Variants in NXPE2 observed in about 807,000 individuals in gnomAD.
The protein encoded by NXPE2 is neurexophilin and PC-esterase domain family member 2, also known as NXPE family member 2.
NXPE2 carries 34 observed loss-of-function variants against 34.4 expected under a neutral mutation model. That is an observed-to-expected ratio of 0.99 (90% CI 0.75 to 1.31). NXPE2 has a LOEUF of 1.31. Among genes scored for constraint, NXPE2 ranks in the 40% most tolerant of loss-of-function variants. The pLI is 0.00. For missense variants in NXPE2, 649 were observed against 672.5 expected, an observed-to-expected ratio of 0.97 and a Z score of 0.39; for synonymous variants, 235 against 231.3, an observed-to-expected ratio of 1.02 and a Z score of -0.15.
the NXPE2 span, among the ~76,000 whole-genome samples, chr11:114,750,131 C>T: frequency 3.4e-4 from 52 of 152,318 alleles, no homozygotes; most frequent in South Asian, 9.5e-3. Flanking sequence ...CCTCCACCTC[C>T]GCATCAGGTA....
At chr11:114,794,601 T>C in the NXPE2 span, among the ~76,000 whole-genome samples, 4 of 152,258 alleles carry the variant, frequency 2.6e-5, no homozygotes, top group East Asian at 5.8e-4. Context: ...AGATGAAACA[T>C]AGAAGTTTGG....
At chr11:114,702,862 A>C (rs1207419682) in intron 3 of NXPE2, among the ~76,000 whole-genome samples, 1 of 151,824 alleles carries the variant, frequency 6.6e-6, no homozygotes, top group East Asian at 1.9e-4. Context: ...TGACCCAAAA[A>C]CTCATTTCCT....
chr11:114,792,854 A>G, the NXPE2 span, among the ~76,000 whole-genome samples: 3 of 152,186 alleles, frequency 2.0e-5, no homozygotes, highest in African/African-American at 7.2e-5. Context: ...GGTAGATATT[A>G]TTATTCTCAT....
At chr11:114,797,603 T>C in the NXPE2 span, among the ~76,000 whole-genome samples, 1 of 152,216 alleles carries the variant, frequency 6.6e-6, no homozygotes, top group African/African-American at 2.4e-5. Flanking sequence ...TCAACACATG[T>C]TGTCTCAGCA....
chr11:114,634,803 G>A, the NXPE2 span, among the ~76,000 whole-genome samples: 5 of 151,936 alleles, frequency 3.3e-5, no homozygotes, highest in Non-Finnish European at 7.4e-5. Context: ...TGAGGGCTCT[G>A]TTCTGTTCCA....
Position 114,679,670 on chromosome 11 carries a change from T to C in NXPE2, c.40T>C (p.Phe14Leu), listed in dbSNP as rs1330477852. 3 of 1,547,776 alleles carry C rather than the reference T, an allele frequency of 1.9e-6. No individual in the cohort carries two copies. Among genetic ancestry groups the C allele is most frequent in the Non-Finnish European group, 8.7e-7 (1 of 1,143,780 alleles). ...CCTTTCTTATAGGATACTCACTTTGTTTCCAAATGCCATAGCTCGAAAATT... is the reference window on the plus strand; with the variant it reads ...CCTTTCTTATAGGATACTCACTTTGCTTCCAAATGCCATAGCTCGAAAATT... ...KILIHRILTLFPNAIARKLLL... is the reference protein window; with the variant it reads ...KILIHRILTLLPNAIARKLLL... Residue 14 changes from phenylalanine (F) to leucine (L), a missense_variant, in exon 2 of 6, where the codon TTT (phenylalanine) becomes CTT (leucine). Physicochemically the swap from Phe to Leu is conservative, Grantham distance 22 (BLOSUM62 0). Coordinates refer to ENST00000389586, the MANE Select transcript of NXPE2 (RefSeq NM_182495.6).
At chr11:114,577,573 G>A in the NXPE2 span, among the ~76,000 whole-genome samples, 1 of 152,070 alleles carries the variant, frequency 6.6e-6, no homozygotes, top group Admixed American at 6.6e-5. Context: ...AATTAAAAAA[G>A]TGTTATGTAA....
At chr11:114,623,715 T>A in the NXPE2 span, among the ~76,000 whole-genome samples, 2 of 152,134 alleles carry the variant, frequency 1.3e-5, no homozygotes, top group Non-Finnish European at 2.9e-5. Flanking sequence ...ACCCGATGGA[T>A]AATAAGTATT....
At chr11:114,508,949 C>G in the NXPE2 span, among the ~76,000 whole-genome samples, 1 of 152,086 alleles carries the variant, frequency 6.6e-6, no homozygotes, top group Non-Finnish European at 1.5e-5. Context: ...GAAACAAACC[C>G]TATCAACACA....
chr11:114,478,571 G>A, the NXPE2 span, among the ~76,000 whole-genome samples: 2 of 152,060 alleles, frequency 1.3e-5, no homozygotes, highest in Admixed American at 1.3e-4. Flanking sequence ...CCTTGAATGT[G>A]GTCCAAAGTA....
chr11:114,565,975 G>A, the NXPE2 span, among the ~76,000 whole-genome samples: 1 of 152,138 alleles, frequency 6.6e-6, no homozygotes, highest in Non-Finnish European at 1.5e-5. Context: ...AATGAGAGAA[G>A]TAAATGAATC....
chr11:114,504,070 C>T, the NXPE2 span, among the ~76,000 whole-genome samples: 1 of 152,194 alleles, frequency 6.6e-6, no homozygotes, highest in East Asian at 1.9e-4. Flanking sequence ...GCAAGTTTCC[C>T]CCCTATACTG....
the NXPE2 span, among the ~76,000 whole-genome samples, chr11:114,765,884 T>A: frequency 3.9e-5 from 6 of 152,174 alleles, no homozygotes; most frequent in African/African-American, 1.4e-4. Context: ...TCACCTACAG[T>A]ACATCTCTCC....
chr11:114,620,599 C>A, the NXPE2 span, among the ~76,000 whole-genome samples: 5 of 151,992 alleles, frequency 3.3e-5, no homozygotes, highest in Non-Finnish European at 7.4e-5. Flanking sequence ...TCTAGGGTAA[C>A]CACTGTTACG....
the NXPE2 span, among the ~76,000 whole-genome samples, chr11:114,613,329 C>T: frequency 4.0e-5 from 6 of 151,630 alleles, no homozygotes; most frequent in South Asian, 2.1e-4. Context: ...CACTGTTACC[C>T]GATGGATAAT....
the NXPE2 span, among the ~76,000 whole-genome samples, chr11:114,634,060 C>G: frequency 1.3e-5 from 2 of 151,794 alleles, no homozygotes; most frequent in Non-Finnish European, 2.9e-5. Context: ...AATGATTGAA[C>G]TAGTTTACAG....
the NXPE2 span, among the ~76,000 whole-genome samples, chr11:114,632,735 A>T: frequency 3.4e-5 from 2 of 58,428 alleles, no homozygotes; most frequent in African/African-American, 6.0e-5. Context: ...TATATAATAT[A>T]TATAAAATAT....
chr11:114,621,429 C>A, the NXPE2 span, among the ~76,000 whole-genome samples: 1 of 151,952 alleles, frequency 6.6e-6, no homozygotes, highest in African/African-American at 2.4e-5. Context: ...ATAAGTATTG[C>A]CTCTAAGGTA....
intron 2 of NXPE2, among the ~76,000 whole-genome samples, chr11:114,696,340 C>CAAAAAAAAAAAAAAAAAAAAAAA (rs773266644): frequency 3.1e-5 from 2 of 64,604 alleles, no homozygotes; most frequent in Admixed American, 1.9e-4. Flanking sequence ...TCAAAAAAAC[C>CAAAAAAAAAAAAAAAAAAAAAAA]AAAAAAAAAA....
Sources: gnomAD v4.1 joint callset for allele counts (sites outside exome capture counted in the v4.1 genomes callset) on GRCh38, gnomAD v4.1.1 for gene constraint, MANE v1.5 for transcripts, NCBI Gene and HGNC (gene_info 2026-07-23, HGNC 2026-07-21) for gene names.